LCORL: variants seen among roughly 807,000 people sequenced by gnomAD.
LCORL encodes the protein ligand dependent nuclear receptor corepressor like.
In LCORL, 41 loss-of-function variants were observed where a neutral mutation model predicts 141.8. That is an observed-to-expected ratio of 0.29 (90% CI 0.23 to 0.38). The LOEUF (loss-of-function observed/expected upper bound fraction) is 0.38. Ranked by LOEUF, LCORL falls within the 10% of genes least tolerant of loss-of-function variation. LCORL has a pLI of 1.00. For synonymous variants in LCORL, 618 were observed against 694.1 expected, an observed-to-expected ratio of 0.89 and a Z score of 1.72; for missense variants, 1,759 against 2,035.0, an observed-to-expected ratio of 0.86 and a Z score of 2.61.
chr4:17,980,789 C>T (rs538436075), intron 1 of LCORL, among the ~76,000 whole-genome samples: 51 of 152,306 alleles, frequency 3.3e-4, no homozygotes, highest in African/African-American at 1.2e-3. Context: ...GCATTACCTC[C>T]TGAGCTGTGG....
intron 1 of LCORL, among the ~76,000 whole-genome samples, chr4:18,012,693 T>C (rs1257965983): frequency 6.6e-6 from 1 of 152,122 alleles, no homozygotes; most frequent in African/African-American, 2.4e-5. Context: ...AAAAAATACA[T>C]GTAGAATCCA....
In LCORL at chr4:17,963,354, G is replaced by C. The variant is rs114756679; in HGVS notation, c.221-305C>G. On this transcript the variant is annotated intron_variant, in intron 2 of 7. Transcript: ENST00000635767. ...TCTGAAAGATTCAACTTATCATTGTGCTTTAATTTTATTTTTGCTATGAAA... is the reference window on the plus strand; with the variant it reads ...TCTGAAAGATTCAACTTATCATTGTCCTTTAATTTTATTTTTGCTATGAAA... Among the ~76,000 whole-genome samples, 402 of 152,050 alleles carry C rather than the reference G, an allele frequency of 2.6e-3. 3 individuals carry two copies. The highest frequency in any genetic ancestry group is 9.0e-3 in the African/African-American group (375 of 41,546).
intron 4 of LCORL, among the ~76,000 whole-genome samples, chr4:17,928,657 TC>T (rs1255791550): frequency 6.6e-6 from 1 of 151,980 alleles, no homozygotes; most frequent in African/African-American, 2.4e-5. Context: ...CTAAAAGCTT[TC>T]CCCCAGAATG....
chr4:17,936,810 CTTAGT>C (rs911185385), intron 4 of LCORL, among the ~76,000 whole-genome samples: 2 of 152,072 alleles, frequency 1.3e-5, no homozygotes, highest in African/African-American at 2.4e-5. Flanking sequence ...GGCACAATAA[CTTAGT>C]TTAATTAGAA....
intron 6 of LCORL, chr4:17,880,584 A>T: frequency 1.0e-6 from 1 of 965,094 alleles, no homozygotes; most frequent in Non-Finnish European, 1.2e-6. Context: ...AAATCAAACA[A>T]GTCAGTGTAG....
chr4:17,847,217 A>G (rs1218936435), intron 7 of LCORL, among the ~76,000 whole-genome samples: 1 of 152,210 alleles, frequency 6.6e-6, no homozygotes, highest in East Asian at 1.9e-4. Context: ...ACATTTAACT[A>G]TGGTTAGTTC....
intron 1 of LCORL, among the ~76,000 whole-genome samples, chr4:17,979,339 C>T (rs1427757211): frequency 6.6e-6 from 1 of 152,114 alleles, no homozygotes; most frequent in African/African-American, 2.4e-5. Context: ...ATATATGGTC[C>T]AGTTTCCTAG....
At chr4:17,924,872 G>T (rs116666575) in intron 4 of LCORL, among the ~76,000 whole-genome samples, 1 of 152,126 alleles carries the variant, frequency 6.6e-6, no homozygotes, top group Non-Finnish European at 1.5e-5. Flanking sequence ...GGGCTAGGGC[G>T]AAGTTCTCCA....
intron 7 of LCORL, among the ~76,000 whole-genome samples, chr4:17,859,417 ATATAT>A (rs759166534): frequency 2.0e-5 from 3 of 152,164 alleles, no homozygotes; most frequent in Non-Finnish European, 4.4e-5. Flanking sequence ...TTCAGGAAAA[ATATAT>A]TTTTAAAAAT....
rs370357526 is a variant in LCORL, at chr4:18,012,561, AATG to A, written c.154+9034_154+9036del. ...ATGGTCACACGTAGGACTCAAGATA[AATG>A]ATGACTGACAACAGTAAATTAATTG... On this transcript the variant is annotated intron_variant, in intron 1 of 7. Transcript: ENST00000635767. Among the ~76,000 whole-genome samples the A allele has an allele frequency of 7.4e-4, 113 of 152,350 alleles. 3 individuals are homozygous for A. In the South Asian group the frequency reaches 0.023, roughly 30 times the overall value.
intron 4 of LCORL, among the ~76,000 whole-genome samples, chr4:17,946,807 C>G (rs1243158911): frequency 4.6e-5 from 7 of 151,842 alleles, no homozygotes; most frequent in Non-Finnish European, 8.8e-5. Flanking sequence ...GAATTACACT[C>G]TATTTGCAGA....
At chr4:17,875,124 T>C (rs1726778811) in exon 7 of LCORL, 9 of 1,233,336 alleles carry the variant, frequency 7.3e-6, no homozygotes, top group Admixed American at 4.2e-5. Flanking sequence ...AGGCAGATTT[T>C]TTCCTGACGT....
intron 6 of LCORL, chr4:17,880,608 TTTC>T (rs1339304678): frequency 5.1e-6 from 5 of 980,712 alleles, no homozygotes; most frequent in Non-Finnish European, 6.1e-6. Flanking sequence ...GTTTTTTTCT[TTTC>T]TTTTCTTTTT....
At chr4:17,917,339 C>A (rs1358564266) in intron 4 of LCORL, among the ~76,000 whole-genome samples, 1 of 152,032 alleles carries the variant, frequency 6.6e-6, no homozygotes, top group Admixed American at 6.6e-5. Context: ...ATCACAGGGG[C>A]CTGCCACCAC....
chr4:17,947,790 T>C (rs765946951), intron 4 of LCORL, among the ~76,000 whole-genome samples: 16 of 151,974 alleles, frequency 1.1e-4, no homozygotes, highest in Non-Finnish European at 1.9e-4. Flanking sequence ...ACCCACGTGA[T>C]ATAGGTTTTA....
At chr4:17,885,256 C>A (rs2109221142) in intron 6 of LCORL, among the ~76,000 whole-genome samples, 1 of 152,016 alleles carries the variant, frequency 6.6e-6, no homozygotes, top group African/African-American at 2.4e-5. Context: ...TAATTTTTCT[C>A]TAGACAAGAG....
intron 4 of LCORL, among the ~76,000 whole-genome samples, chr4:17,943,619 C>A (rs907451993): frequency 6.6e-6 from 1 of 152,092 alleles, no homozygotes. Context: ...CACTGATATG[C>A]GCTGCAAAGA....
At chr4:17,860,393 C>T (rs1560260835) in intron 7 of LCORL, among the ~76,000 whole-genome samples, 1 of 152,140 alleles carries the variant, frequency 6.6e-6, no homozygotes, top group Non-Finnish European at 1.5e-5. Context: ...AGAGCTTGTG[C>T]TGGAAAACTT....
chr4:17,865,143 T>C (rs1490563509), intron 7 of LCORL, among the ~76,000 whole-genome samples: 1 of 152,160 alleles, frequency 6.6e-6, no homozygotes, highest in Non-Finnish European at 1.5e-5. Flanking sequence ...CTAGCAACCA[T>C]CTTGCTTAAC....
Sources: gnomAD v4.1 joint callset for allele counts (sites outside exome capture counted in the v4.1 genomes callset) on GRCh38, gnomAD v4.1.1 for gene constraint, MANE v1.5 for transcripts, NCBI Gene and HGNC (gene_info 2026-07-23, HGNC 2026-07-21) for gene names.